Variants in TBC1D30 observed in about 807,000 individuals in gnomAD.
TBC1D30 encodes TBC1 domain family, member 30.
In TBC1D30, 31 loss-of-function variants were observed where a neutral mutation model predicts 63.2. The observed-to-expected ratio is 0.49, with a 90% CI of 0.37 to 0.66. TBC1D30 has a LOEUF of 0.66. TBC1D30 is among the 30% of genes least tolerant of loss of function. TBC1D30 has a pLI of 0.00. For synonymous variants in TBC1D30, 307 were observed against 361.5 expected, an observed-to-expected ratio of 0.85 and a Z score of 1.71; for missense variants, 810 against 953.6, an observed-to-expected ratio of 0.85 and a Z score of 1.98.
chr12:64,769,338 T>C (rs1870822398), intron 1 of TBC1D30, among the ~76,000 whole-genome samples: 1 of 151,900 alleles, frequency 6.6e-6, no homozygotes, highest in Non-Finnish European at 1.5e-5. Context: ...CCTGAGTAGC[T>C]GGGATTACAG....
chr12:64,851,617 G>C (rs891883707), intron 8 of TBC1D30, among the ~76,000 whole-genome samples: 1 of 152,192 alleles, frequency 6.6e-6, no homozygotes, highest in Non-Finnish European at 1.5e-5. Flanking sequence ...TCTTCATAGT[G>C]TTGTTGGTCT....
At chr12:64,836,214 G>A (rs185870502) in intron 5 of TBC1D30, among the ~76,000 whole-genome samples, 1 of 152,166 alleles carries the variant, frequency 6.6e-6, no homozygotes, top group African/African-American at 2.4e-5. Context: ...CATAATCACA[G>A]CTACTTATGG....
chr12:64,804,429 T>C (rs1290892956), intron 2 of TBC1D30, among the ~76,000 whole-genome samples: 5 of 152,234 alleles, frequency 3.3e-5, no homozygotes, highest in Admixed American at 3.3e-4. Context: ...TAATGTCACC[T>C]GCAAACAGGG....
intron 2 of TBC1D30, among the ~76,000 whole-genome samples, chr12:64,797,742 C>T (rs1489498741): frequency 1.3e-5 from 2 of 152,100 alleles, no homozygotes; most frequent in African/African-American, 2.4e-5. Flanking sequence ...CAATCAAAAG[C>T]GAATGTCCTC....
chr12:64,866,801 G>A lies in TBC1D30; in HGVS notation c.1189G>A (p.Asp397Asn). Residue 397 changes from aspartate to asparagine, a missense_variant, in exon 10 of 12, where the codon GAC becomes AAC. Asp to Asn is a conservative substitution (Grantham distance 23). This residue lies in a region of TBC1D30 where 450 missense variants were observed against 473.0 expected (regional missense o/e 0.95). Coordinates refer to ENST00000539867, the MANE Select transcript of TBC1D30 (RefSeq NM_015279.2). ...GGCCAGAGACAGTGATGAAGAGAATGACCCAGACGATGAGGATGCTGTCGT... is the reference window on the plus strand; with the variant it reads ...GGCCAGAGACAGTGATGAAGAGAATAACCCAGACGATGAGGATGCTGTCGT... ...SKARDSDEEN[D>N]PDDEDAVVNA... is the part of the protein sequence containing the mutation. 1 of 1,536,600 alleles carries A rather than the reference G, an allele frequency of 6.5e-7. No homozygotes were observed. The highest frequency in any genetic ancestry group is 1.4e-5 in the African/African-American group (1 of 73,128).
At chr12:64,771,276 G>A (rs1870896441) in intron 1 of TBC1D30, among the ~76,000 whole-genome samples, 1 of 151,828 alleles carries the variant, frequency 6.6e-6, no homozygotes, top group Non-Finnish European at 1.5e-5. Flanking sequence ...TAGGGTTTTG[G>A]GGCAAGGTCA....
In TBC1D30 at chr12:64,824,917, G is replaced by C. The variant is rs1240997510; in HGVS notation, c.38G>C (p.Gly13Ala). The change falls in exon 1 of 12, where the codon GGG becomes GCG. Residue 13 changes from glycine to alanine, a missense_variant. Transcript: ENST00000539867. ...QDKLTGSLRR[G>A]GRCLKRQGGG... is the part of the protein sequence containing the mutation. ...AAGCTGACCGGGTCTCTGAGGCGCG[G>C]GGGGAGATGCCTGAAGCGGCAGGGC... 1.3e-6 allele frequency: 2 copies of C among 1,534,580 alleles called. No homozygotes were observed. The highest frequency in any genetic ancestry group is 1.7e-6 in the Non-Finnish European group (2 of 1,146,584).
At chr12:64,867,594 A>G (rs535362058) in intron 10 of TBC1D30, among the ~76,000 whole-genome samples, 1 of 152,218 alleles carries the variant, frequency 6.6e-6, no homozygotes, top group South Asian at 2.1e-4. Context: ...TTTTGCTCCC[A>G]TGCATTGGAT....
intron 7 of TBC1D30, among the ~76,000 whole-genome samples, chr12:64,841,799 G>A (rs1875898673): frequency 6.6e-6 from 1 of 152,154 alleles, no homozygotes; most frequent in Non-Finnish European, 1.5e-5. Flanking sequence ...TTACCTCCCA[G>A]GGTAAACTTA....
At position 64,880,255 on chromosome 12, in the gene TBC1D30, T is replaced by A. The variant is rs886970717; in HGVS notation, c.*4467T>A. On this transcript the variant is annotated 3_prime_UTR_variant, in exon 12 of 12. Coordinates refer to ENST00000539867, the MANE Select transcript of TBC1D30 (RefSeq NM_015279.2). ...AGCCAGTGCTCACCTGAATGGGGAC[T>A]GGTACTGTAGGTATTGGGTCAGCTT... The A allele has an allele frequency of 1.3e-5, 2 of 152,302 alleles. No individual in the cohort carries two copies. The highest frequency in any genetic ancestry group is 6.5e-5 in the Admixed American group (1 of 15,288). 9.4% of individuals were successfully genotyped at this position (152,302 alleles called of 1,614,324 possible). A position where few individuals can be genotyped will look rare whatever the true frequency, so the allele number is the denominator to read the frequency against.
intron 2 of TBC1D30, among the ~76,000 whole-genome samples, chr12:64,812,739 G>A (rs1164979235): frequency 6.6e-6 from 1 of 151,528 alleles, no homozygotes; most frequent in Non-Finnish European, 1.5e-5. Context: ...CTTAAACTTT[G>A]CTGTGAAAGA....
At chr12:64,776,721 A>C (rs570090315), upstream of TBC1D30, among the ~76,000 whole-genome samples, 2 of 152,312 alleles carry the variant, frequency 1.3e-5, no homozygotes, top group South Asian at 2.1e-4. Flanking sequence ...CTATTTCAAA[A>C]AGTTGAAAAG....
At chr12:64,796,349 C>T (rs1183547866) in intron 2 of TBC1D30, among the ~76,000 whole-genome samples, 1 of 152,090 alleles carries the variant, frequency 6.6e-6, no homozygotes, top group Non-Finnish European at 1.5e-5. Flanking sequence ...ACTCACTCAG[C>T]TGGTTAGTGA....
chr12:64,792,477 A>G (rs1871981489), intron 2 of TBC1D30, among the ~76,000 whole-genome samples: 1 of 152,218 alleles, frequency 6.6e-6, no homozygotes, highest in South Asian at 2.1e-4. Flanking sequence ...CTGGGTCCCA[A>G]CCTGGTTTTA....
intron 8 of TBC1D30, among the ~76,000 whole-genome samples, chr12:64,848,923 C>A (rs868695275): frequency 6.6e-5 from 10 of 152,334 alleles, no homozygotes; most frequent in Middle Eastern, 6.8e-3. Context: ...TCTCCACATC[C>A]TCTCCAGCAT....
At chr12:64,760,349 A>C (rs1188975792) in intron 1 of TBC1D30, among the ~76,000 whole-genome samples, 1 of 152,036 alleles carries the variant, frequency 6.6e-6, no homozygotes, top group Non-Finnish European at 1.5e-5. Context: ...GGATCACCTG[A>C]GGTCAGGAGT....
chr12:64,774,074 A>G (rs1046218728), intron 1 of TBC1D30, among the ~76,000 whole-genome samples: 6 of 152,218 alleles, frequency 3.9e-5, no homozygotes, highest in African/African-American at 1.4e-4. Context: ...CTGACAGACA[A>G]AATAGCCAGA....
intron 2 of TBC1D30, among the ~76,000 whole-genome samples, chr12:64,805,729 A>T: frequency 6.6e-6 from 1 of 152,098 alleles, no homozygotes; most frequent in Non-Finnish European, 1.5e-5. Context: ...GCTACTTGGG[A>T]GGTGGAGGCA....
Position 64,824,889 on chromosome 12 carries a change from G to A in TBC1D30, c.10G>A (p.Asp4Asn). 1 of 1,533,800 alleles carries A rather than the reference G, an allele frequency of 6.5e-7. No homozygotes were observed. The highest frequency in any genetic ancestry group is 1.2e-5 in the South Asian group (1 of 83,868). ...CCCGGGGCGCTCTCGGATGCGGCAG[G>A]ACAAGCTGACCGGGTCTCTGAGGCG... MRQ[D>N]KLTGSLRRGG... Residue 4 changes from aspartate to asparagine, a missense_variant, in exon 1 of 12, where the codon GAC becomes AAC. By Grantham distance (23) the Asp-to-Asn change is conservative. Coordinates refer to ENST00000539867, the MANE Select transcript of TBC1D30 (RefSeq NM_015279.2).
Sources: allele counts gnomAD v4.1 joint callset (sites outside exome capture counted in the v4.1 genomes callset), GRCh38; gene constraint gnomAD v4.1.1; regional missense constraint gnomAD v4.1.1; transcripts MANE v1.5; gene names NCBI Gene and HGNC (gene_info 2026-07-23, HGNC 2026-07-21).